Variants in PTPRD observed in about 807,000 individuals in gnomAD.
PTPRD encodes the protein protein tyrosine phosphatase receptor type D.
PTPRD carries 34 observed loss-of-function variants against 214.5 expected under a neutral mutation model. The ratio of observed to expected loss-of-function variants is 0.16; its 90% CI spans 0.12 to 0.21. The LOEUF is 0.21. PTPRD is among the 10% of genes least tolerant of loss of function. The pLI is 1.00. For missense variants in PTPRD, 2,545 were observed against 2,398.7 expected (o/e 1.06, Z -1.27); for synonymous variants, 1,128 against 845.7 (o/e 1.33, Z -5.79).
chr9:9,220,319 T>TTTTTTA (rs1555012243), intron 9 of PTPRD, among the ~76,000 whole-genome samples: 74 of 148,582 alleles, frequency 5.0e-4, no homozygotes, highest in Non-Finnish European at 5.8e-4. Context: ...GCTTTTTTTT[T>TTTTTTA]AAAAGCACTA....
chr9:9,163,191 A>C (rs148777604), intron 10 of PTPRD, among the ~76,000 whole-genome samples: 2 of 152,178 alleles, frequency 1.3e-5, no homozygotes, highest in African/African-American at 4.8e-5. Context: ...AAAATCTGTA[A>C]ACTGATGACT....
intron 2 of PTPRD, among the ~76,000 whole-genome samples, chr9:10,457,725 C>T (rs1178543322): frequency 2.0e-5 from 3 of 152,020 alleles, no homozygotes; most frequent in Non-Finnish European, 4.4e-5. Context: ...GTTCCTATTT[C>T]TGTTTATTAC....
chr9:9,672,277 A>T (rs2096846462), intron 7 of PTPRD, among the ~76,000 whole-genome samples: 1 of 152,188 alleles, frequency 6.6e-6, no homozygotes, highest in Non-Finnish European at 1.5e-5. Flanking sequence ...TTTTTAATAA[A>T]TTGGAAAATA....
intron 11 of PTPRD, among the ~76,000 whole-genome samples, chr9:8,753,395 C>A (rs78891376): frequency 1.0e-3 from 158 of 152,226 alleles, no homozygotes; most frequent in African/African-American, 3.6e-3. Flanking sequence ...CAGGTTCTGC[C>A]GGGGGATAAA....
intron 4 of PTPRD, among the ~76,000 whole-genome samples, chr9:10,026,332 C>T (rs979733534): frequency 1.3e-5 from 2 of 152,088 alleles, no homozygotes; most frequent in Non-Finnish European, 2.9e-5. Context: ...ATGGCACAAA[C>T]TTGGCAGAGA....
intron 2 of PTPRD, among the ~76,000 whole-genome samples, chr9:10,392,840 C>A (rs1332608268): frequency 6.6e-6 from 1 of 151,828 alleles, no homozygotes; most frequent in African/African-American, 2.4e-5. Context: ...TTTGGAAGTA[C>A]AGACATTTGC....
chr9:8,491,109 G>C (rs2097140234), intron 27 of PTPRD, among the ~76,000 whole-genome samples: 2 of 152,214 alleles, frequency 1.3e-5, no homozygotes. Flanking sequence ...ATTAAATTTG[G>C]ATTCTTCTGC....
intron 21 of PTPRD, among the ~76,000 whole-genome samples, chr9:8,513,108 T>A (rs532388936): frequency 6.6e-6 from 1 of 152,164 alleles, no homozygotes; most frequent in African/African-American, 2.4e-5. Context: ...TGCAAGTGAC[T>A]TTGTAATGCC....
intron 8 of PTPRD, among the ~76,000 whole-genome samples, chr9:9,564,891 T>G (rs1270093551): frequency 1.5e-5 from 2 of 132,486 alleles, no homozygotes; most frequent in Non-Finnish European, 3.2e-5. Context: ...TCTGTTTTTT[T>G]TTTTTTTTTT....
chr9:10,484,511 C>A (rs138273008), intron 2 of PTPRD, among the ~76,000 whole-genome samples: 1 of 152,024 alleles, frequency 6.6e-6, no homozygotes, highest in Non-Finnish European at 1.5e-5. Context: ...GACAAGTGTA[C>A]GAGGGTTCTC....
chr9:10,456,038 A>T (rs1943489886), intron 2 of PTPRD, among the ~76,000 whole-genome samples: 1 of 151,786 alleles, frequency 6.6e-6, no homozygotes, highest in Admixed American at 6.6e-5. Flanking sequence ...CCTCAGGCTC[A>T]CTAGAACCAA....
At chr9:8,797,470 A>C (rs1444069361) in intron 11 of PTPRD, among the ~76,000 whole-genome samples, 1 of 152,206 alleles carries the variant, frequency 6.6e-6, no homozygotes, top group Non-Finnish European at 1.5e-5. Context: ...AGGATGTCTA[A>C]GCGATATATG....
At chr9:9,638,626 A>T (rs1456390470) in intron 7 of PTPRD, among the ~76,000 whole-genome samples, 1 of 152,174 alleles carries the variant, frequency 6.6e-6, no homozygotes, top group Non-Finnish European at 1.5e-5. Flanking sequence ...TATTCATATC[A>T]AAACTCTTCC....
At position 10,138,846 on chromosome 9, in the gene PTPRD, C is replaced by T. The variant is rs11506309; in HGVS notation, c.-544-105056G>A. ...AGAAAAAGCTTTTGATAAAATCCAACATCGCTTCATGAAGTAACCCTCAGC... is the reference window on the plus strand; with the variant it reads ...AGAAAAAGCTTTTGATAAAATCCAATATCGCTTCATGAAGTAACCCTCAGC... On this transcript the variant is annotated intron_variant, in intron 3 of 45. Transcript: ENST00000381196. Among the ~76,000 whole-genome samples the T allele has an allele frequency of 5.3e-3, 812 of 152,154 alleles. 2 individuals carry two copies. Among genetic ancestry groups the T allele is most frequent in the Non-Finnish European group, 8.4e-3 (570 of 67,994 alleles).
intron 10 of PTPRD, among the ~76,000 whole-genome samples, chr9:9,125,281 T>C (rs1250558240): frequency 3.9e-5 from 6 of 152,166 alleles, no homozygotes; most frequent in African/African-American, 1.4e-4. Flanking sequence ...CTTCCTGTCA[T>C]GGGAGCACCT....
At position 8,608,740 on chromosome 9, in the gene PTPRD, G is replaced by A. The variant is rs187874176; in HGVS notation, c.352+24577C>T. On this transcript the variant is annotated intron_variant, in intron 14 of 45. Coordinates refer to ENST00000381196, the MANE Select transcript of PTPRD (RefSeq NM_002839.4). ...GTAAACAGAACTTTGAAAATGCACC[G>A]AAAAAAATAAAAAAGGAAGAATAGA... 1.9e-3 allele frequency among the ~76,000 whole-genome samples: 286 copies of A among 151,814 alleles called. 2 individuals are homozygous for A. The highest frequency in any genetic ancestry group is 3.5e-3 in the Non-Finnish European group (239 of 67,906).
chr9:8,951,158 TAA>T lies in PTPRD; in HGVS notation c.-104+67537_-104+67538del, dbSNP rs757676816. Among the ~76,000 whole-genome samples the T allele has an allele frequency of 7.7e-3, 1,145 of 149,324 alleles. 8 individuals carry two copies. The highest frequency in any genetic ancestry group is 0.01 in the Middle Eastern group (3 of 288). ...AAAAGAGTGTGTGTGTGTGTGTGTG[TAA>T]GAGAGAGAGAGAGAGGAAGAGGAGA... On this transcript the variant is annotated intron_variant, in intron 11 of 45. Coordinates refer to ENST00000381196, the MANE Select transcript of PTPRD (RefSeq NM_002839.4).
At position 8,315,528 on chromosome 9, in the gene PTPRD, G is replaced by T. The variant is rs1821175235; in HGVS notation, c.*2346C>A. On this transcript the variant is annotated 3_prime_UTR_variant, in exon 46 of 46. Transcript: ENST00000381196. ...ATCTCCAAAAAGATACAAACTAAAA[G>T]AAAATAATGATAACAGACCCACATA... The T allele has an allele frequency of 1.3e-5, 3 of 231,590 alleles. No homozygotes were observed. Among genetic ancestry groups the T allele is most frequent in the Non-Finnish European group, 8.6e-6 (1 of 116,740 alleles). The allele number at this position is 231,590 out of a possible 1,614,324, so 14.3% of individuals were successfully genotyped here. A position where few individuals can be genotyped will look rare whatever the true frequency, so the allele number is the denominator to read the frequency against.
intron 8 of PTPRD, among the ~76,000 whole-genome samples, chr9:9,441,407 G>C (rs959154603): frequency 1.3e-5 from 2 of 152,172 alleles, no homozygotes; most frequent in African/African-American, 4.8e-5. Flanking sequence ...GAAAAAGTAT[G>C]TCTGAAATTC....
Sources: gnomAD v4.1 joint callset for allele counts (sites outside exome capture counted in the v4.1 genomes callset) on GRCh38, gnomAD v4.1.1 for gene constraint, MANE v1.5 for transcripts, NCBI Gene and HGNC (gene_info 2026-07-23, HGNC 2026-07-21) for gene names.